The following ATR variants were observed in gnomAD, a reference collection of about 807,000 sequenced individuals.
ATR encodes the protein serine/threonine-protein kinase ATR.
A neutral mutation model predicts 305.3 loss-of-function variants in ATR; 142 were observed. That is an observed-to-expected ratio of 0.47 (90% CI 0.41 to 0.53). The LOEUF is 0.53. ATR is among the 20% of genes least tolerant of loss of function. The pLI, the probability that ATR is intolerant of heterozygous loss-of-function variation, is 0.00. For synonymous variants in ATR, 1,050 were observed against 1,068.1 expected, an observed-to-expected ratio of 0.98 and a Z score of 0.33; for missense variants, 2,135 against 3,133.1, an observed-to-expected ratio of 0.68 and a Z score of 7.60.
chr3:142,464,812 T>C (rs975841060), intron 41 of ATR, among the ~76,000 whole-genome samples: 5 of 152,154 alleles, frequency 3.3e-5, no homozygotes, highest in African/African-American at 4.8e-5. Flanking sequence ...TGTACAACAA[T>C]GTGAATGTAC....
At position 142,562,847 on chromosome 3, in the gene ATR, G is replaced by A. The variant is rs1423055382; in HGVS notation, c.555C>T (p.His185=). The change falls in exon 4 of 47, where the codon CAC becomes CAT. Residue 185 remains histidine, a synonymous_variant. Transcript: ENST00000350721. The part of the protein sequence containing the change: ...MSRFLSQLDE[H]MGYLQSAPLQ... ...AAGGAGCTGATTGTAAATATCCCAT[G>A]TGTTCATCTAATTGACTTAAAAATC... 1 of 1,609,332 alleles carries A rather than the reference G, an allele frequency of 6.2e-7. No homozygotes were observed. The highest frequency in any genetic ancestry group is 1.1e-5 in the South Asian group (1 of 89,816).
In ATR at chr3:142,459,011, CAA is replaced by C. The variant is rs1417082101; in HGVS notation, c.7448_7449del (p.Phe2483Ter). 2 of 1,613,864 alleles carry C rather than the reference CAA, an allele frequency of 1.2e-6. No individual in the cohort carries two copies. The highest frequency in any genetic ancestry group is 3.3e-5 in the Admixed American group (2 of 60,008). ...TGTACGCATTCACCAGTCAAAGAATCAAAGAGAATATTTTCACCATGACGGTC... is the reference window on the plus strand; with the variant it reads ...TGTACGCATTCACCAGTCAAAGAATCAGAGAATATTTTCACCATGACGGTC... ...LGDRHGENIL[F>X]DSLTGECVHV... is the part of the protein sequence containing the mutation. On this transcript the variant is annotated frameshift_variant, in exon 44 of 47. Coordinates refer to ENST00000350721, the MANE Select transcript of ATR (RefSeq NM_001184.4). LOFTEE classifies it high-confidence loss of function.
rs572889042 is a variant in ATR at position 142,556,463 on chromosome 3, T to C, written c.1998A>G (p.Val666=). 1.4e-5 allele frequency: 23 copies of C among 1,614,146 alleles called. No homozygotes were observed. The highest frequency in any genetic ancestry group is 6.7e-5 in the Admixed American group (4 of 60,024). ...YNWALQSSHE[V]IRASCVSGFF... is the part of the protein sequence containing the mutation. ...ATCCACTAACACAACTAGCCCGGAT[T>C]ACTTCATGGGAGCTCTGCAGGGCCC... Residue 666 remains valine, a synonymous_variant, in exon 9 of 47, where the codon GTA becomes GTG. Coordinates refer to ENST00000350721, the MANE Select transcript of ATR (RefSeq NM_001184.4).
intron 21 of ATR, 68 bp downstream of exon 21, chr3:142,535,012 T>C (rs1429931094): frequency 6.7e-7 from 1 of 1,495,052 alleles, no homozygotes; most frequent in Non-Finnish European, 9.1e-7. Context: ...AATGTCATTT[T>C]GTCATCTTTT....
chr3:142,471,372 T>C (rs921478418), intron 36 of ATR, among the ~76,000 whole-genome samples: 2 of 152,216 alleles, frequency 1.3e-5, no homozygotes, highest in Non-Finnish European at 2.9e-5. Flanking sequence ...TTGCACTGCT[T>C]TCATGTTTTA....
At chr3:142,511,461 G>T (rs2032559917) in intron 27 of ATR, among the ~76,000 whole-genome samples, 1 of 151,864 alleles carries the variant, frequency 6.6e-6, no homozygotes, top group Non-Finnish European at 1.5e-5. Context: ...TTGGAGACCA[G>T]CCTGGCCAAC....
intron 36 of ATR, chr3:142,472,306 T>C (rs2071304601): frequency 6.6e-6 from 1 of 152,162 alleles, no homozygotes; most frequent in Admixed American, 6.5e-5. Context: ...TGCTAGATCA[T>C]ATGATATTTC....
intron 21 of ATR, among the ~76,000 whole-genome samples, chr3:142,528,873 A>ATTTT (rs1559966998): frequency 1.4e-3 from 67 of 48,602 alleles, no homozygotes; most frequent in Non-Finnish European, 2.0e-3. Context: ...ATATATATAT[A>ATTTT]TATATATTTT....
At chr3:142,450,907 A>G (rs1014864145) in intron 46 of ATR, 2 of 1,253,854 alleles carry the variant, frequency 1.6e-6, no homozygotes. Flanking sequence ...TGGTGAAAAT[A>G]GCAGCTCACC....
intron 36 of ATR, among the ~76,000 whole-genome samples, chr3:142,471,754 A>C (rs772150485): frequency 2.6e-5 from 4 of 152,178 alleles, no homozygotes; most frequent in African/African-American, 4.8e-5. Flanking sequence ...GTGGAATAAA[A>C]TCTATTCTCA....
intron 39 of ATR, among the ~76,000 whole-genome samples, chr3:142,466,876 A>G (rs1400706215): frequency 6.6e-6 from 1 of 152,204 alleles, no homozygotes; most frequent in African/African-American, 2.4e-5. Flanking sequence ...ATCAAATATT[A>G]AATATGCACT....
chr3:142,461,161 T>C (rs1211182529), intron 42 of ATR, among the ~76,000 whole-genome samples: 1 of 152,158 alleles, frequency 6.6e-6, no homozygotes, highest in Non-Finnish European at 1.5e-5. Context: ...TACTTTTCCC[T>C]TTATAATTGT....
intron 31 of ATR, 45 bp downstream of exon 31, chr3:142,499,582 C>T (rs2108344385): frequency 6.3e-7 from 1 of 1,578,144 alleles, no homozygotes; most frequent in Non-Finnish European, 8.7e-7. Context: ...GCGTGAGCCA[C>T]CGCACCCATC....
chr3:142,548,193 A>G (rs976555548), intron 15 of ATR, among the ~76,000 whole-genome samples: 1 of 152,180 alleles, frequency 6.6e-6, no homozygotes, highest in African/African-American at 2.4e-5. Context: ...AATATCATCA[A>G]CTCATTATTG....
rs1022668315 is a variant in ATR at position 142,554,005 on chromosome 3, A to G, written c.2352T>C (p.Asp784=). Residue 784 remains aspartate (D), a synonymous_variant, in exon 11 of 47, where the codon GAT becomes GAC. Transcript: ENST00000350721. ...IPSPVKLAFI[D]NLHHLCKHLD... is the part of the protein sequence containing the mutation. ...GATGCTTACAAAGATGATGTAGATT[A>G]TCTATGAAAGCTGAAGGACAAGAGT... The G allele has an allele frequency of 1.2e-6, 2 of 1,607,252 alleles. No homozygotes were observed. The highest frequency in any genetic ancestry group is 1.7e-6 in the Non-Finnish European group (2 of 1,176,432).
chr3:142,469,993 A>G (rs1379483788), intron 37 of ATR, 93 bp downstream of exon 37: 4 of 955,024 alleles, frequency 4.2e-6, no homozygotes, highest in Non-Finnish European at 6.4e-6. Context: ...ATTCATTCCA[A>G]GCTTCTAGGA....
intron 27 of ATR, among the ~76,000 whole-genome samples, chr3:142,510,949 T>A (rs2032519651): frequency 2.0e-5 from 3 of 152,110 alleles, no homozygotes; most frequent in Admixed American, 2.0e-4. Flanking sequence ...AGTTGTAATA[T>A]CACAGGAAAA....
rs2034344322 is a variant in ATR at position 142,548,240 on chromosome 3, G to T, written c.3172-330C>A. On this transcript the variant is annotated intron_variant, in intron 15 of 46. Coordinates refer to ENST00000350721, the MANE Select transcript of ATR (RefSeq NM_001184.4). The stretch of plus-strand genomic sequence containing the variant: ...CCCTGGGAGGAAATGTAGTATAGTG[G>T]CTTATAGCAGTCTTTCTGTTCAGAT... Among the ~76,000 whole-genome samples, 3 of 152,284 alleles carry T rather than the reference G, an allele frequency of 2.0e-5. No individual in the cohort carries two copies. In the South Asian group the frequency reaches 6.2e-4, roughly 32 times the overall value.
chr3:142,497,354 T>C (rs1467848678), intron 32 of ATR, among the ~76,000 whole-genome samples, 162 bp from the exon 33 acceptor site: 1 of 152,186 alleles, frequency 6.6e-6, no homozygotes, highest in South Asian at 2.1e-4. Flanking sequence ...TACATTTATA[T>C]CTTTTCAAAC....
Sources: allele counts gnomAD v4.1 joint callset (sites outside exome capture counted in the v4.1 genomes callset), GRCh38; gene constraint gnomAD v4.1.1; transcripts MANE v1.5; gene names NCBI Gene and HGNC (gene_info 2026-07-23, HGNC 2026-07-21).